TRAPPC8: variants seen among roughly 807,000 people sequenced by gnomAD.
TRAPPC8 encodes general sporulation gene 1 homolog.
In TRAPPC8, 54 loss-of-function variants were observed where a neutral mutation model predicts 174.3. The ratio of observed to expected loss-of-function variants is 0.31; its 90% CI spans 0.25 to 0.39. The LOEUF (loss-of-function observed/expected upper bound fraction) is 0.39. TRAPPC8 is among the 10% of genes least tolerant of loss of function. TRAPPC8 has a pLI of 1.00. For missense variants in TRAPPC8, 1,531 were observed against 1,699.1 expected, an observed-to-expected ratio of 0.90 and a Z score of 1.74; for synonymous variants, 630 against 579.9, an observed-to-expected ratio of 1.09 and a Z score of -1.24.
intron 1 of TRAPPC8, among the ~76,000 whole-genome samples, chr18:31,934,577 T>C (rs2037996725): frequency 6.6e-6 from 1 of 152,176 alleles, no homozygotes; most frequent in Non-Finnish European, 1.5e-5. Context: ...TTCCTTAAAG[T>C]TGCTTCATAG....
intron 19 of TRAPPC8, among the ~76,000 whole-genome samples, chr18:31,860,028 A>AG (rs2034245552): frequency 6.6e-6 from 1 of 151,892 alleles, no homozygotes; most frequent in South Asian, 2.1e-4. Flanking sequence ...AAAAAAAAAA[A>AG]GAACAAGTAT....
Position 31,829,684 on chromosome 18 carries a change from G to A in TRAPPC8, c.*1071C>T, listed in dbSNP as rs1291001148. On this transcript the variant is annotated 3_prime_UTR_variant, in exon 29 of 29. Coordinates refer to ENST00000283351, the MANE Select transcript of TRAPPC8 (RefSeq NM_014939.5). The stretch of plus-strand genomic sequence containing the variant: ...CGAGATTGAGACTGGAACAAACCAT[G>A]GTAGCTGTCAATGGCACAAGGACCC... 6.6e-6 allele frequency: 1 copy of A among 152,200 alleles called. No individual in the cohort carries two copies. Among genetic ancestry groups the A allele is most frequent in the South Asian group, 2.1e-4 (1 of 4,826 alleles). The allele number at this position is 152,200 out of a possible 1,614,324, so 9.4% of individuals were successfully genotyped here. A position where few individuals can be genotyped will look rare whatever the true frequency, so the allele number is the denominator to read the frequency against.
intron 1 of TRAPPC8, among the ~76,000 whole-genome samples, chr18:31,936,809 G>A (rs771298613): frequency 1.3e-4 from 19 of 150,822 alleles, no homozygotes; most frequent in Non-Finnish European, 2.2e-4. Flanking sequence ...GGCTGAGGCA[G>A]GAGAATTGCT....
chr18:31,913,342 T>C, intron 5 of TRAPPC8, 27 bp downstream of exon 5: 2 of 1,546,414 alleles, frequency 1.3e-6, no homozygotes, highest in Non-Finnish European at 1.7e-6. Flanking sequence ...GTTTTTGTGG[T>C]TTGCTTCATT....
In TRAPPC8 at chr18:31,942,972, C is replaced by T; in HGVS notation, c.-208G>A. On this transcript the variant is annotated 5_prime_UTR_variant, in exon 1 of 29. Transcript: ENST00000283351. ...CTGACCCCCCCCTTCCCGTCACCGC[C>T]GCTTCTCAGCGCTCGTCCCCGCGTG... The T allele has an allele frequency of 9.7e-7, 1 of 1,034,638 alleles. No homozygotes were observed. Among genetic ancestry groups the T allele is most frequent in the Non-Finnish European group, 1.2e-6 (1 of 806,228 alleles). The allele number at this position is 1,034,638 out of a possible 1,614,324, so 64.1% of individuals were successfully genotyped here. A position where few individuals can be genotyped will look rare whatever the true frequency, so the allele number is the denominator to read the frequency against.
chr18:31,873,007 CTTTTTTT>C (rs59209328), intron 14 of TRAPPC8, among the ~76,000 whole-genome samples: 43 of 74,630 alleles, frequency 5.8e-4, no homozygotes, highest in South Asian at 2.0e-3. Context: ...ATTCATTTTC[CTTTTTTT>C]TTTTTTTTTT....
chr18:31,864,159 A>G (rs2034474590), intron 19 of TRAPPC8, among the ~76,000 whole-genome samples: 1 of 151,136 alleles, frequency 6.6e-6, no homozygotes, highest in Admixed American at 6.6e-5. Flanking sequence ...TTCTCTGGCT[A>G]TACTACCTAG....
chr18:31,930,533 T>C (rs2037804994), intron 2 of TRAPPC8, among the ~76,000 whole-genome samples: 1 of 152,230 alleles, frequency 6.6e-6, no homozygotes, highest in South Asian at 2.1e-4. Context: ...AATTTGATGA[T>C]GTACTTTGAA....
rs550560283 is a variant in TRAPPC8 at position 31,924,998 on chromosome 18, T to C, written c.352+6331A>G. ...AGCCAGAGAGCAGATTTCAGAATCC[T>C]TCTCTGGATAAACTAAATGGCCTCA... is the stretch of plus-strand genomic sequence containing the variant. On this transcript the variant is annotated intron_variant, in intron 2 of 28. Coordinates refer to ENST00000283351, the MANE Select transcript of TRAPPC8 (RefSeq NM_014939.5). Among the ~76,000 whole-genome samples, 14 of 152,234 alleles carry C rather than the reference T, an allele frequency of 9.2e-5. No individual in the cohort carries two copies. In the South Asian group the frequency reaches 1.2e-3, roughly 14 times the overall value.
rs1171785225 is a variant in TRAPPC8, at chr18:31,836,284, CTT to C, written c.3983+3026_3983+3027del. Among the ~76,000 whole-genome samples the C allele has an allele frequency of 3.3e-5, 5 of 152,228 alleles. No individual in the cohort carries two copies. The South Asian group carries it at 1.0e-3, about 32-fold the overall frequency. Reference sequence around the variant, plus strand: ...TGCCACATTTTATCCTTGAACCTGCCTTGTTTTCACATACTTCCATGCAGAGT... The same window carrying C: ...TGCCACATTTTATCCTTGAACCTGCCGTTTTCACATACTTCCATGCAGAGT... On this transcript the variant is annotated intron_variant, in intron 27 of 28. Transcript: ENST00000283351.
At chr18:31,845,482 A>G (rs1176545558) in intron 26 of TRAPPC8, among the ~76,000 whole-genome samples, 1 of 151,668 alleles carries the variant, frequency 6.6e-6, no homozygotes, top group Admixed American at 6.6e-5. Flanking sequence ...TTTTTAATGT[A>G]AGAGATTTGT....
At chr18:31,902,351 C>T (rs1168550378) in intron 9 of TRAPPC8, among the ~76,000 whole-genome samples, 1 of 151,338 alleles carries the variant, frequency 6.6e-6, no homozygotes, top group Non-Finnish European at 1.5e-5. Flanking sequence ...CAAACAATAA[C>T]AACAACAACA....
At chr18:31,846,870 G>T in intron 25 of TRAPPC8, 53 bp from the exon 26 acceptor site, 1 of 1,309,026 alleles carries the variant, frequency 7.6e-7, no homozygotes, top group Non-Finnish European at 1.1e-6. Context: ...AACCTCTAAA[G>T]TAACCAACCC....
chr18:31,864,846 G>A (rs2034510984), intron 18 of TRAPPC8, 65 bp from the exon 19 acceptor site: 2 of 1,325,512 alleles, frequency 1.5e-6, no homozygotes, highest in Non-Finnish European at 2.1e-6. Context: ...AATTTAACTT[G>A]AATATGTGAA....
chr18:31,937,082 T>C (rs529924740), intron 1 of TRAPPC8, among the ~76,000 whole-genome samples: 1 of 151,390 alleles, frequency 6.6e-6, no homozygotes, highest in Admixed American at 6.6e-5. Context: ...GGCGTGGTGG[T>C]GGGCGCCTAT....
intron 4 of TRAPPC8, among the ~76,000 whole-genome samples, chr18:31,914,496 C>A (rs940565444): frequency 1.3e-5 from 2 of 152,188 alleles, no homozygotes; most frequent in Non-Finnish European, 2.9e-5. Flanking sequence ...GAAACTAATT[C>A]TAATAGTCAT....
At chr18:31,856,743 G>T (rs1163924009) in intron 20 of TRAPPC8, among the ~76,000 whole-genome samples, 3 of 150,566 alleles carry the variant, frequency 2.0e-5, no homozygotes, top group Admixed American at 6.6e-5. Flanking sequence ...ATATACAGCC[G>T]CTCCCTAGAA....
intron 1 of TRAPPC8, among the ~76,000 whole-genome samples, chr18:31,937,097 C>T (rs527766953): frequency 3.2e-4 from 49 of 151,856 alleles, no homozygotes; most frequent in African/African-American, 1.1e-3. Context: ...GCCTATAGTC[C>T]CAGCTACTCA....
chr18:31,875,695 C>A (rs947141772), intron 12 of TRAPPC8, among the ~76,000 whole-genome samples: 8 of 152,172 alleles, frequency 5.3e-5, no homozygotes, highest in African/African-American at 1.9e-4. Flanking sequence ...GAATGATATA[C>A]AAGATGTGTG....
Sources: allele counts gnomAD v4.1 joint callset (sites outside exome capture counted in the v4.1 genomes callset), GRCh38; gene constraint gnomAD v4.1.1; transcripts MANE v1.5; gene names NCBI Gene and HGNC (gene_info 2026-07-23, HGNC 2026-07-21).